HIP1: variants seen among roughly 807,000 people sequenced by gnomAD.
HIP1 encodes the protein huntingtin-interacting protein 1.
In HIP1, 65 loss-of-function variants were observed where a neutral mutation model predicts 147.6. That is an observed-to-expected ratio of 0.44 (90% CI 0.36 to 0.54). The LOEUF is 0.54. Among genes scored for constraint, HIP1 ranks in the 20% least tolerant of loss-of-function variants. HIP1 has a pLI of 0.00. For synonymous variants in HIP1, 479 were observed against 504.0 expected (o/e 0.95, Z 0.67); for missense variants, 1,061 against 1,299.6 (o/e 0.82, Z 2.82).
At chr7:75,631,887 G>T (rs782517517) in intron 1 of HIP1, among the ~76,000 whole-genome samples, 1 of 152,040 alleles carries the variant, frequency 6.6e-6, no homozygotes, top group East Asian at 1.9e-4. Context: ...CGTGTGTTGT[G>T]GGGGAGATTG....
chr7:75,730,457 A>G (rs57897847), intron 1 of HIP1, among the ~76,000 whole-genome samples: 4,977 of 150,904 alleles, frequency 0.033, 154 homozygotes, highest in East Asian at 0.19. Flanking sequence ...CTCGTGCCTC[A>G]GCCTCCCAAG....
intron 1 of HIP1, among the ~76,000 whole-genome samples, chr7:75,736,274 A>G (rs868920019): frequency 6.6e-6 from 1 of 151,974 alleles, no homozygotes; most frequent in Admixed American, 6.6e-5. Context: ...TCACGGGTGG[A>G]AACTTTCACA....
Position 75,582,104 on chromosome 7 carries a change from G to T in HIP1, c.513C>A (p.Asp171Glu), listed in dbSNP as rs781942028. The change falls in exon 6 of 31, where the codon GAC becomes GAA. Residue 171 changes from aspartate to glutamate, a missense_variant. Physicochemically the swap from Asp to Glu is conservative, Grantham distance 45. This residue lies in a region of HIP1 where 225 missense variants were observed against 292.9 expected (regional missense o/e 0.77). Transcript: ENST00000336926. ...TGTTCACGTCACTTTCTCCAGCCTC[G>T]TCCAGCTGGCGGTCACTCATCTGCA... is the stretch of plus-strand genomic sequence containing the variant. ...GNLQMSDRQL[D>E]EAGESDVNNF... The T allele has an allele frequency of 6.2e-7, 1 of 1,613,962 alleles. No individual in the cohort carries two copies. The highest frequency in any genetic ancestry group is 1.1e-5 in the South Asian group (1 of 91,052).
At chr7:75,623,239 C>G (rs1178401380) in intron 1 of HIP1, among the ~76,000 whole-genome samples, 7 of 150,842 alleles carry the variant, frequency 4.6e-5, no homozygotes, top group Admixed American at 2.0e-4. Context: ...AGGCTCTCCC[C>G]CTCTGATGGT....
intron 19 of HIP1, 86 bp downstream of exon 19, chr7:75,555,330 A>T: frequency 6.6e-7 from 1 of 1,519,994 alleles, no homozygotes; most frequent in Non-Finnish European, 9.1e-7. Context: ...AGAGCCCCTG[A>T]GCTAAGTCTC....
intron 9 of HIP1, among the ~76,000 whole-genome samples, chr7:75,564,595 A>G (rs1272283896): frequency 2.0e-5 from 3 of 149,658 alleles, no homozygotes; most frequent in African/African-American, 7.4e-5. Flanking sequence ...TGCCCTGCCT[A>G]TTTGTAAATA....
rs376964584 is a variant in HIP1, at chr7:75,556,707, T to C, written c.1683+3A>G. On this transcript the variant is annotated splice_donor_region_variant and intron_variant, in intron 17 of 30. Coordinates refer to ENST00000336926, the MANE Select transcript of HIP1 (RefSeq NM_005338.7). ...TCTCCAAAAAAAAAAAGGAGGTATTTACCTGGGCAGAAGTTTCCAGGCTGC... is the reference window on the plus strand; with the variant it reads ...TCTCCAAAAAAAAAAAGGAGGTATTCACCTGGGCAGAAGTTTCCAGGCTGC... 17 of 1,592,460 alleles carry C rather than the reference T, an allele frequency of 1.1e-5. No individual in the cohort carries two copies. The highest frequency in any genetic ancestry group is 1.5e-5 in the Non-Finnish European group (17 of 1,162,342).
At chr7:75,628,271 T>C (rs1317918535) in intron 1 of HIP1, among the ~76,000 whole-genome samples, 1 of 152,190 alleles carries the variant, frequency 6.6e-6, no homozygotes, top group Non-Finnish European at 1.5e-5. Context: ...ACCTGGCATA[T>C]GGAAGACACT....
At position 75,544,677 on chromosome 7, in the gene HIP1, G is replaced by A; in HGVS notation, c.2766+18C>T. ...AACCAGGCCTTCCAGCGTCCTAGGAGGTCCAGCCAGGTCCTACCTTGGATG... is the reference window on the plus strand; with the variant it reads ...AACCAGGCCTTCCAGCGTCCTAGGAAGTCCAGCCAGGTCCTACCTTGGATG... On this transcript the variant is annotated intron_variant, in intron 27 of 30. Transcript: ENST00000336926. The A allele has an allele frequency of 3.3e-6, 5 of 1,500,074 alleles. No homozygotes were observed. Among genetic ancestry groups the A allele is most frequent in the Non-Finnish European group, 4.6e-6 (5 of 1,075,908 alleles). 92.9% of individuals were successfully genotyped at this position (1,500,074 alleles called of 1,614,324 possible). A position where few individuals can be genotyped will look rare whatever the true frequency, so the allele number is the denominator to read the frequency against.
chr7:75,623,151 T>C (rs1476388567), intron 1 of HIP1, among the ~76,000 whole-genome samples: 2 of 143,190 alleles, frequency 1.4e-5, no homozygotes, highest in Non-Finnish European at 3.0e-5. Context: ...TGAGCTGAGA[T>C]TGTGCCTCTG....
intron 7 of HIP1, among the ~76,000 whole-genome samples, chr7:75,577,308 G>A (rs1447767673): frequency 2.8e-5 from 4 of 142,610 alleles, no homozygotes; most frequent in East Asian, 4.0e-4. Context: ...CTCCAGCCTC[G>A]GCGACAGAGT....
intron 4 of HIP1, among the ~76,000 whole-genome samples, chr7:75,588,647 A>G (rs1554500028): frequency 6.6e-6 from 1 of 151,846 alleles, no homozygotes; most frequent in African/African-American, 2.4e-5. Flanking sequence ...GGTGGTGCAC[A>G]CCTGTTTTCC....
chr7:75,582,354 CAAAAAAGA>C (rs1291982873), intron 5 of HIP1, among the ~76,000 whole-genome samples: 6 of 151,444 alleles, frequency 4.0e-5, no homozygotes, highest in African/African-American at 9.7e-5. Context: ...TCAAAACAAA[CAAAAAAGA>C]AAAAAAGAAA....
At chr7:75,713,448 G>C (rs782103131) in intron 1 of HIP1, among the ~76,000 whole-genome samples, 3 of 152,160 alleles carry the variant, frequency 2.0e-5, no homozygotes, top group African/African-American at 4.8e-5. Flanking sequence ...TTTCTGCAAG[G>C]CTGCTTAGGA....
chr7:75,647,142 G>T (rs1035140736), intron 1 of HIP1, among the ~76,000 whole-genome samples: 2 of 141,450 alleles, frequency 1.4e-5, no homozygotes, highest in South Asian at 4.5e-4. Context: ...GAGGCGAGCA[G>T]ATCACCTGAG....
At chr7:75,559,237 C>G (rs1795132800) in intron 14 of HIP1, among the ~76,000 whole-genome samples, 1 of 152,134 alleles carries the variant, frequency 6.6e-6, no homozygotes, top group Non-Finnish European at 1.5e-5. Flanking sequence ...GTCTCAGCCT[C>G]AAGAGTAGCT....
At chr7:75,682,824 G>A (rs1235116464) in intron 1 of HIP1, among the ~76,000 whole-genome samples, 1 of 152,116 alleles carries the variant, frequency 6.6e-6, no homozygotes, top group Non-Finnish European at 1.5e-5. Flanking sequence ...CCTTGCTAAT[G>A]TGTCCCCACA....
chr7:75,542,117 C>A lies in HIP1; in HGVS notation c.2891-137G>T, dbSNP rs1448716565. Reference sequence around the variant, plus strand: ...CACTGCATGAAAGTAAGTGAGGGGGCCAGACAACGGTGGCTCACTCCTGTA... The same window carrying A: ...CACTGCATGAAAGTAAGTGAGGGGGACAGACAACGGTGGCTCACTCCTGTA... On this transcript the variant is annotated intron_variant, in intron 28 of 30. Coordinates refer to ENST00000336926, the MANE Select transcript of HIP1 (RefSeq NM_005338.7). 3 of 722,164 alleles carry A rather than the reference C, an allele frequency of 4.2e-6. No individual in the cohort carries two copies. The Admixed American group carries it at 5.9e-5, about 14-fold the overall frequency. The allele number at this position is 722,164 out of a possible 1,614,324, so 44.7% of individuals were successfully genotyped here.
rs1800769864 is a variant in HIP1 at position 75,699,978 on chromosome 7, G to A, written c.120+38823C>T. 2.0e-5 allele frequency among the ~76,000 whole-genome samples: 3 copies of A among 152,138 alleles called. No homozygotes were observed. In the South Asian group the frequency reaches 6.2e-4, roughly 32 times the overall value. On this transcript the variant is annotated intron_variant, in intron 1 of 30. Coordinates refer to ENST00000336926, the MANE Select transcript of HIP1 (RefSeq NM_005338.7). ...CGATCCTCCTGCCTCAGCTTCCCTA[G>A]TAGCTGGGATTACAGGTGCGCACCA...
Sources: allele counts gnomAD v4.1 joint callset (sites outside exome capture counted in the v4.1 genomes callset), GRCh38; gene constraint gnomAD v4.1.1; regional missense constraint gnomAD v4.1.1; transcripts MANE v1.5; gene names NCBI Gene and HGNC (gene_info 2026-07-23, HGNC 2026-07-21).